Variants in PIP5K1C observed in about 807,000 individuals in gnomAD.
PIP5K1C encodes phosphatidylinositol-4-phosphate 5-kinase type 1 gamma.
PIP5K1C carries 45 observed loss-of-function variants against 80.1 expected under a neutral mutation model. The observed-to-expected ratio is 0.56, with a 90% confidence interval of 0.44 to 0.72. The LOEUF (loss-of-function observed/expected upper bound fraction) is 0.72. PIP5K1C is among the 30% of genes least tolerant of loss of function. The pLI, the probability that PIP5K1C is intolerant of heterozygous loss-of-function variation, is 0.00. For synonymous variants in PIP5K1C, 498 were observed against 420.1 expected (o/e 1.19, Z -2.27); for missense variants, 753 against 954.6 (o/e 0.79, Z 2.78).
intron 16 of PIP5K1C, among the ~76,000 whole-genome samples, chr19:3,634,948 G>A (rs946585764): frequency 9.2e-5 from 14 of 152,266 alleles, no homozygotes; most frequent in African/African-American, 3.1e-4. Flanking sequence ...TTCCTCCAGG[G>A]TAGCAAATGC....
chr19:3,644,013 G>C (rs982477129), intron 12 of PIP5K1C, 74 bp downstream of exon 12: 15 of 1,537,452 alleles, frequency 9.8e-6, no homozygotes, highest in Non-Finnish European at 1.2e-5. Flanking sequence ...AGGATGAGGC[G>C]GCACCCCACC....
intron 1 of PIP5K1C, among the ~76,000 whole-genome samples, chr19:3,671,784 C>T (rs2035213304): frequency 6.6e-6 from 1 of 152,210 alleles, no homozygotes; most frequent in African/African-American, 2.4e-5. Context: ...TCACTCAATC[C>T]TCGCTCCCCA....
rs1351988467 is a variant in PIP5K1C at position 3,683,937 on chromosome 19, C to G, written c.94+16360G>C. Among the ~76,000 whole-genome samples, 5 of 144,232 alleles carry G rather than the reference C, an allele frequency of 3.5e-5. No individual in the cohort carries two copies. In the East Asian group the frequency reaches 1.0e-3, roughly 30 times the overall value. 94.6% of individuals were successfully genotyped at this position (144,232 alleles called of 152,430 possible). ...CCCGGGCAGTCCCACACCCCCCCCA[C>G]GCTGGAGCCCCCGCTTCCTCTCCCG... On this transcript the variant is annotated intron_variant, in intron 1 of 17. Transcript: ENST00000335312.
chr19:3,661,814 C>T (rs560208876), intron 4 of PIP5K1C, 57 bp downstream of exon 4: 92 of 1,600,922 alleles, frequency 5.7e-5, no homozygotes, highest in African/African-American at 4.5e-4. Flanking sequence ...CAGGCCACTC[C>T]GCCTCAGAGC....
intron 15 of PIP5K1C, among the ~76,000 whole-genome samples, chr19:3,639,571 A>G (rs1231411045): frequency 6.6e-6 from 1 of 151,732 alleles, no homozygotes; most frequent in African/African-American, 2.4e-5. Context: ...AGCTGAGACT[A>G]TAGGTGTGCA....
rs559997144 is a variant in PIP5K1C at position 3,663,619 on chromosome 19, G to A, written c.219+1203C>T. Among the ~76,000 whole-genome samples the A allele has an allele frequency of 3.3e-5, 5 of 152,330 alleles. No homozygotes were observed. In the South Asian group the frequency reaches 6.2e-4, roughly 19 times the overall value. ...CCCTGAGCCTGGGAGTTCAAGACCA[G>A]CCTGGGCAACATGGTGAAACCCCTG... On this transcript the variant is annotated intron_variant, in intron 3 of 17. Coordinates refer to ENST00000335312, the MANE Select transcript of PIP5K1C (RefSeq NM_012398.3).
chr19:3,644,433 C>T (rs549887008), intron 11 of PIP5K1C, among the ~76,000 whole-genome samples, 182 bp from the exon 12 acceptor site: 3 of 152,236 alleles, frequency 2.0e-5, no homozygotes, highest in South Asian at 4.2e-4. Context: ...GGAGGGACTG[C>T]GAGCCCGAGT....
At chr19:3,669,179 C>G (rs982640029) in intron 1 of PIP5K1C, among the ~76,000 whole-genome samples, 5 of 152,146 alleles carry the variant, frequency 3.3e-5, no homozygotes, top group African/African-American at 1.2e-4. Context: ...GGGGCAGGCC[C>G]TCAAAGGGGA....
intron 10 of PIP5K1C, among the ~76,000 whole-genome samples, chr19:3,646,452 C>A (rs999954421): frequency 6.6e-6 from 1 of 152,180 alleles, no homozygotes; most frequent in African/African-American, 2.4e-5. Context: ...CCTTTCCCAG[C>A]CTCCTTGGGT....
chr19:3,698,195 T>C (rs1600106307), intron 1 of PIP5K1C, among the ~76,000 whole-genome samples: 1 of 152,310 alleles, frequency 6.6e-6, no homozygotes, highest in African/African-American at 2.4e-5. Context: ...GAGGCACCGA[T>C]GGTGGAGAGG....
In PIP5K1C at chr19:3,644,135, G is replaced by A; in HGVS notation, c.1462C>T (p.Gln488Ter). The A allele has an allele frequency of 6.2e-7, 1 of 1,611,936 alleles. No homozygotes were observed. Among genetic ancestry groups the A allele is most frequent in the Non-Finnish European group, 8.5e-7 (1 of 1,179,858 alleles). Residue 488 changes from glutamine (Q) to a stop codon, truncating the protein, a stop_gained, in exon 12 of 18, where the codon CAG becomes TAG. Coordinates refer to ENST00000335312, the MANE Select transcript of PIP5K1C (RefSeq NM_012398.3). LOFTEE classifies it high-confidence loss of function. Reference sequence around the variant, plus strand: ...CTGCGGGCCCCCCGCAGGTCGTACTGGGCCTCCTCCCGCTCGCTAGGGATC... The same window carrying A: ...CTGCGGGCCCCCCGCAGGTCGTACTAGGCCTCCTCCCGCTCGCTAGGGATC... ...SQIPSEREEAQYDLRGARSYP... is the reference protein window; with the variant it reads ...SQIPSEREEA
chr19:3,693,111 T>G (rs1315130537), intron 1 of PIP5K1C, among the ~76,000 whole-genome samples: 1 of 152,082 alleles, frequency 6.6e-6, no homozygotes, highest in Non-Finnish European at 1.5e-5. Context: ...CCAGAGTTCC[T>G]TAGGGGGCCT....
At chr19:3,694,210 T>G (rs1413861759) in intron 1 of PIP5K1C, among the ~76,000 whole-genome samples, 1 of 111,884 alleles carries the variant, frequency 8.9e-6, no homozygotes, top group African/African-American at 3.5e-5. Flanking sequence ...AGACTCCATC[T>G]CAAAAAAAAA....
rs1489836159 is a variant in PIP5K1C at position 3,646,077 on chromosome 19, G to A, written c.1261-19C>T. The A allele has an allele frequency of 6.5e-7, 1 of 1,535,642 alleles. No homozygotes were observed. The highest frequency in any genetic ancestry group is 9.0e-7 in the Non-Finnish European group (1 of 1,109,680). On this transcript the variant is annotated intron_variant, in intron 10 of 17. Transcript: ENST00000335312. The stretch of plus-strand genomic sequence containing the variant: ...CCGTGTCCTGGAAGAGAGTTGGGGG[G>A]GGTGCCCGGGGGCAGAGGGTGCATC...
At chr19:3,656,356 G>C (rs781165718) in intron 6 of PIP5K1C, 49 bp downstream of exon 6, 1 of 1,606,792 alleles carries the variant, frequency 6.2e-7, no homozygotes, top group Non-Finnish European at 8.5e-7. Context: ...CCAGCCGGGA[G>C]AAGGGGGTTG....
intron 1 of PIP5K1C, among the ~76,000 whole-genome samples, chr19:3,676,152 G>A (rs532100517): frequency 4.1e-5 from 6 of 144,710 alleles, no homozygotes; most frequent in South Asian, 4.3e-4. Context: ...CAGGCCTCCC[G>A]CGTGACCGTC....
At chr19:3,653,215 T>C (rs927854152) in intron 7 of PIP5K1C, 75 bp downstream of exon 7, 1 of 1,442,032 alleles carries the variant, frequency 6.9e-7, no homozygotes, top group African/African-American at 1.4e-5. Flanking sequence ...TCCCTGGCCC[T>C]GCCTGCCCAG....
rs566988511 is a variant in PIP5K1C, at chr19:3,633,076, C to G, written c.*91G>C. On this transcript the variant is annotated 3_prime_UTR_variant, in exon 18 of 18. Coordinates refer to ENST00000335312, the MANE Select transcript of PIP5K1C (RefSeq NM_012398.3). ...GTGGGGCGGCGAGGCGGGCATCTCC[C>G]GAGCTCTGGGCCTCAGCGGGGTGGG... 2.1e-5 allele frequency: 15 copies of G among 704,844 alleles called. No homozygotes were observed. The African/African-American group carries it at 2.4e-4, about 12-fold the overall frequency. 43.7% of individuals were successfully genotyped at this position (704,844 alleles called of 1,614,324 possible). A position where few individuals can be genotyped will look rare whatever the true frequency, so the allele number is the denominator to read the frequency against.
At chr19:3,699,014 G>A (rs184730332) in intron 1 of PIP5K1C, among the ~76,000 whole-genome samples, 1 of 142,910 alleles carries the variant, frequency 7.0e-6, no homozygotes, top group African/African-American at 2.6e-5. Context: ...ATCTGTCCCC[G>A]GTGCTCCCAG....
Sources: allele counts gnomAD v4.1 joint callset (sites outside exome capture counted in the v4.1 genomes callset), GRCh38; gene constraint gnomAD v4.1.1; transcripts MANE v1.5; gene names NCBI Gene and HGNC (gene_info 2026-07-23, HGNC 2026-07-21).